SMIM31: variants seen among roughly 807,000 people sequenced by gnomAD.
SMIM31 encodes the protein human epithelial cell program regulator.
At chr4:164,797,585 T>C (rs1303566016) in intron 2 of SMIM31, among the ~76,000 whole-genome samples, 1 of 150,672 alleles carries the variant, frequency 6.6e-6, no homozygotes, top group Non-Finnish European at 1.5e-5. Context: ...TGCCTCAGCC[T>C]CCTGAGTGGC....
intron 1 of SMIM31, among the ~76,000 whole-genome samples, chr4:164,758,358 A>G (rs1223814019): frequency 6.6e-6 from 1 of 152,076 alleles, no homozygotes; most frequent in African/African-American, 2.4e-5. Flanking sequence ...AGGCTTTTAA[A>G]TTTTTATTTC....
chr4:164,771,011 A>G (rs557659488), intron 2 of SMIM31, among the ~76,000 whole-genome samples: 1 of 152,326 alleles, frequency 6.6e-6, no homozygotes, highest in South Asian at 2.1e-4. Context: ...TTATTTGTGT[A>G]TATGTGTGTG....
chr4:164,797,419 T>C (rs544751638), intron 2 of SMIM31, among the ~76,000 whole-genome samples: 2 of 151,790 alleles, frequency 1.3e-5, no homozygotes, highest in South Asian at 4.2e-4. Context: ...GACATGTATA[T>C]ATATATGTAT....
At chr4:164,776,358 A>G (rs1732879988) in intron 2 of SMIM31, among the ~76,000 whole-genome samples, 1 of 152,212 alleles carries the variant, frequency 6.6e-6, no homozygotes. Context: ...GACTTGGTTG[A>G]CCATTCAGCA....
rs191215835 is a variant in SMIM31 at position 164,757,581 on chromosome 4, A to C, written c.-26+3170A>C. On this transcript the variant is annotated intron_variant, in intron 1 of 2. Transcript: ENST00000507311. ...ACATTCAGTTCTAAGACTATGTTGA[A>C]TTTATTTTTCATATGTTGCTGAAGC... Among the ~76,000 whole-genome samples, 47 of 151,726 alleles carry C rather than the reference A, an allele frequency of 3.1e-4. 1 individual carries two copies. The highest frequency in any genetic ancestry group is 1.1e-3 in the African/African-American group (47 of 41,432).
Position 164,758,685 on chromosome 4 carries a change from C to G in SMIM31, c.-26+4274C>G, listed in dbSNP as rs374291730. Among the ~76,000 whole-genome samples the G allele has an allele frequency of 4.7e-3, 585 of 123,920 alleles. 1 individual carries two copies. The highest frequency in any genetic ancestry group is 0.016 in the African/African-American group (552 of 33,820). The allele number at this position is 123,920 out of a possible 152,430, so 81.3% of individuals were successfully genotyped here. ...GTCTCGCTCTGTCCCCCAGGCTAGA[C>G]TGCAGTGACGTGATCTCGGCTGACT... On this transcript the variant is annotated intron_variant, in intron 1 of 2. Coordinates refer to ENST00000507311, the MANE Select transcript of SMIM31 (RefSeq NM_001352885.1).
chr4:164,780,296 GCA>G (rs1732931502), intron 2 of SMIM31, among the ~76,000 whole-genome samples: 1 of 152,120 alleles, frequency 6.6e-6, no homozygotes, highest in African/African-American at 2.4e-5. Flanking sequence ...GCGTGGTGGC[GCA>G]TGCCTGTAGT....
intron 2 of SMIM31, among the ~76,000 whole-genome samples, chr4:164,772,868 G>A (rs1347633817): frequency 2.6e-5 from 4 of 151,530 alleles, no homozygotes; most frequent in East Asian, 3.9e-4. Flanking sequence ...GTGAGCCACC[G>A]CGCCCGGCCG....
chr4:164,764,532 A>C (rs753160047), intron 1 of SMIM31, among the ~76,000 whole-genome samples: 4 of 150,604 alleles, frequency 2.7e-5, no homozygotes, highest in Non-Finnish European at 5.9e-5. Flanking sequence ...GCGCCACTGC[A>C]CTACAGCCTG....
intron 2 of SMIM31, among the ~76,000 whole-genome samples, chr4:164,791,975 G>T (rs190435324): frequency 1.1e-3 from 171 of 152,220 alleles, no homozygotes; most frequent in African/African-American, 3.9e-3. Context: ...CAATATTATT[G>T]TCAGCTGCAC....
In SMIM31 at chr4:164,791,582, T is replaced by C. The variant is rs928960504; in HGVS notation, c.113-9509T>C. ...AACTCCTAGGCTCAAGCAATCCACT[T>C]GCCTTAGCCTTCCAAAAGTTTACTC... On this transcript the variant is annotated intron_variant, in intron 2 of 2. Transcript: ENST00000507311. 4.7e-4 allele frequency among the ~76,000 whole-genome samples: 72 copies of C among 152,300 alleles called. 1 individual carries two copies. Among genetic ancestry groups the C allele is most frequent in the Middle Eastern group, 3.4e-3 (1 of 294 alleles).
intron 2 of SMIM31, among the ~76,000 whole-genome samples, chr4:164,782,743 A>T (rs1218140443): frequency 6.7e-6 from 1 of 148,420 alleles, no homozygotes; most frequent in Non-Finnish European, 1.5e-5. Flanking sequence ...AAATAAATTA[A>T]TATAGAAATG....
At chr4:164,765,349 A>T (rs996006196) in intron 1 of SMIM31, among the ~76,000 whole-genome samples, 14 of 152,318 alleles carry the variant, frequency 9.2e-5, no homozygotes, top group African/African-American at 2.9e-4. Context: ...GTAAATAAGA[A>T]AAACAGTTTT....
At chr4:164,781,379 G>T (rs1205426369) in intron 2 of SMIM31, among the ~76,000 whole-genome samples, 1 of 152,110 alleles carries the variant, frequency 6.6e-6, no homozygotes, top group South Asian at 2.1e-4. Context: ...GCCAAAAAAT[G>T]AGAACAGCCC....
chr4:164,772,601 C>T (rs1352937252), intron 2 of SMIM31, among the ~76,000 whole-genome samples: 10 of 49,250 alleles, frequency 2.0e-4, no homozygotes, highest in African/African-American at 4.4e-4. Flanking sequence ...TTTTTTGAGA[C>T]GGAGTCTCGC....
intron 2 of SMIM31, among the ~76,000 whole-genome samples, chr4:164,772,253 G>C (rs11725892): frequency 0.48 from 66,688 of 139,586 alleles, 14,876 homozygotes; most frequent in Admixed American, 0.56. Context: ...GGAGGTGCTA[G>C]ACACTTTTAA....
intron 1 of SMIM31, 56 bp from the exon 2 acceptor site, chr4:164,770,363 G>T: frequency 2.5e-6 from 1 of 398,106 alleles, no homozygotes; most frequent in South Asian, 1.3e-4. Context: ...AATCATTGCT[G>T]AGCAAGCTCT....
At chr4:164,772,579 TA>T (rs2098473104) in intron 2 of SMIM31, among the ~76,000 whole-genome samples, 1 of 75,372 alleles carries the variant, frequency 1.3e-5, no homozygotes, top group Non-Finnish European at 3.2e-5. Flanking sequence ...TTTTTATTTT[TA>T]TTTTATTTTT....
chr4:164,787,083 G>C (rs916158587), intron 2 of SMIM31, among the ~76,000 whole-genome samples: 1 of 152,132 alleles, frequency 6.6e-6, no homozygotes, highest in African/African-American at 2.4e-5. Flanking sequence ...TACCCTCAGG[G>C]ATAGAATTGT....
Sources: allele counts gnomAD v4.1 joint callset (sites outside exome capture counted in the v4.1 genomes callset), GRCh38; gene constraint gnomAD v4.1.1; transcripts MANE v1.5; gene names NCBI Gene and HGNC (gene_info 2026-07-23, HGNC 2026-07-21).